ABCB9: variants seen among roughly 807,000 people sequenced by gnomAD.
The protein encoded by ABCB9 is ATP binding cassette subfamily B member 9.
In ABCB9, 36 loss-of-function variants were observed where a neutral mutation model predicts 62.0. The observed-to-expected ratio is 0.58, with a 90% CI of 0.45 to 0.77. The LOEUF (loss-of-function observed/expected upper bound fraction) is 0.77, where lower values mean the gene tolerates loss of function less well. ABCB9 is among the 30% of genes least tolerant of loss of function. The pLI is 0.00. For synonymous variants in ABCB9, 435 were observed against 461.4 expected, an observed-to-expected ratio of 0.94 and a Z score of 0.73; for missense variants, 943 against 1,054.7, an observed-to-expected ratio of 0.89 and a Z score of 1.47.
chr12:122,928,344 C>T (rs1566148578), downstream of ABCB9, among the ~76,000 whole-genome samples: 1 of 151,946 alleles, frequency 6.6e-6, no homozygotes, highest in Non-Finnish European at 1.5e-5. Flanking sequence ...TGGTGGGTGC[C>T]TGTAGTCCCA....
At chr12:122,939,988 G>T in intron 9 of ABCB9, 123 bp downstream of exon 9, 3 of 1,249,596 alleles carry the variant, frequency 2.4e-6, no homozygotes, top group Non-Finnish European at 3.3e-6. Flanking sequence ...CATTGTAATT[G>T]GTGATAATTC....
chr12:122,957,459 T>G (rs2036658946), intron 2 of ABCB9, among the ~76,000 whole-genome samples: 1 of 152,152 alleles, frequency 6.6e-6, no homozygotes, highest in Admixed American at 6.5e-5. Flanking sequence ...GCCACTCGGC[T>G]GGGTAGGGAG....
At chr12:122,972,826 T>C (rs2037294308) in intron 1 of ABCB9, 1 of 152,184 alleles carries the variant, frequency 6.6e-6, no homozygotes, top group South Asian at 2.1e-4. Flanking sequence ...ATGTCAATTT[T>C]TAAAGTATGT....
intron 4 of ABCB9, 96 bp from the exon 5 acceptor site, chr12:122,948,925 G>C: frequency 9.4e-7 from 1 of 1,069,416 alleles, no homozygotes; most frequent in Non-Finnish European, 1.3e-6. Context: ...ACACTGGGAA[G>C]CCGGGCCTCC....
intron 9 of ABCB9, among the ~76,000 whole-genome samples, chr12:122,935,768 A>C (rs2035428035): frequency 6.6e-6 from 1 of 152,226 alleles, no homozygotes; most frequent in Non-Finnish European, 1.5e-5. Context: ...GCTGTGAATG[A>C]GTCTGCTCAT....
At chr12:122,974,210 G>A (rs1278835336) in intron 1 of ABCB9, among the ~76,000 whole-genome samples, 1 of 152,200 alleles carries the variant, frequency 6.6e-6, no homozygotes, top group Non-Finnish European at 1.5e-5. Context: ...GGGCAGTTAG[G>A]CGGGTAATGA....
intron 7 of ABCB9, among the ~76,000 whole-genome samples, chr12:122,943,257 T>G (rs1169233351): frequency 6.6e-6 from 1 of 152,124 alleles, no homozygotes; most frequent in Non-Finnish European, 1.5e-5. Context: ...GCTCCACAAC[T>G]CACTCTGCTG....
At chr12:122,933,503 G>A (rs951943720) in intron 10 of ABCB9, among the ~76,000 whole-genome samples, 2 of 151,644 alleles carry the variant, frequency 1.3e-5, no homozygotes, top group South Asian at 2.1e-4. Context: ...GCCGTGAGCC[G>A]AGATCGCGCC....
rs1249785693 is a variant in ABCB9 at position 122,971,935 on chromosome 12, TA to T, written c.-88+2779del. On this transcript the variant is annotated intron_variant, in intron 1 of 11. Coordinates refer to the ABCB9 transcript ENST00000392439. ...TTTGCTGTGAGCCTAAAACTGATCT[TA>T]AAAAAAAGGAAATCTATTAAAAGTG... Among the ~76,000 whole-genome samples the T allele has an allele frequency of 2.0e-5, 3 of 151,360 alleles. No individual in the cohort carries two copies. In the East Asian group the frequency reaches 5.8e-4, roughly 29 times the overall value.
intron 5 of ABCB9, chr12:122,946,439 G>A (rs969619019): frequency 8.5e-6 from 5 of 587,192 alleles, no homozygotes; most frequent in Non-Finnish European, 1.5e-5. Context: ...GGCTCTTGGG[G>A]CAATGGTTTC....
intron 2 of ABCB9, among the ~76,000 whole-genome samples, chr12:122,957,311 T>C (rs1383018988): frequency 6.6e-6 from 1 of 152,208 alleles, no homozygotes; most frequent in Non-Finnish European, 1.5e-5. Flanking sequence ...CCCAAAGTGC[T>C]GGGATTAGAC....
At chr12:122,961,753 A>G (rs1594073383) in intron 1 of ABCB9, among the ~76,000 whole-genome samples, 1 of 152,176 alleles carries the variant, frequency 6.6e-6, no homozygotes, top group African/African-American at 2.4e-5. Context: ...AGTTTAATAA[A>G]CAGCCGCTGT....
chr12:122,949,048 T>G, intron 4 of ABCB9: 1 of 427,858 alleles, frequency 2.3e-6, no homozygotes, highest in Non-Finnish European at 4.2e-6. Context: ...CATCCCGCTG[T>G]ACAGCGGAGG....
intron 11 of ABCB9, among the ~76,000 whole-genome samples, chr12:122,923,663 G>A (rs2034814111): frequency 6.6e-6 from 1 of 152,112 alleles, no homozygotes; most frequent in Admixed American, 6.6e-5. Context: ...TTAACTCAGG[G>A]CCCCCTGACA....
At position 122,959,756 on chromosome 12, in the gene ABCB9, C is replaced by T; in HGVS notation, c.480G>A (p.Gly160=). The part of the protein sequence containing the change: ...GAATEAEGFP[G]SGRPPPEQAS... ...CCTGCTCGGGCGGTGGCCGGCCGCT[C>T]CCAGGGAAGCCCTCAGCCTCGGTGG... The change falls in exon 2 of 12, where the codon GGG becomes GGA. Residue 160 remains glycine, a synonymous_variant. Coordinates refer to ENST00000280560, the MANE Select transcript of ABCB9 (RefSeq NM_019625.4). The surrounding 1 kb of genome is among the most constrained non-coding windows in gnomAD (Gnocchi z 5.4). 1 of 1,611,848 alleles carries T rather than the reference C, an allele frequency of 6.2e-7. No individual in the cohort carries two copies. The highest frequency in any genetic ancestry group is 1.3e-5 in the African/African-American group (1 of 75,018).
At chr12:122,919,850 A>G (rs912990205), downstream of ABCB9, among the ~76,000 whole-genome samples, 1 of 149,178 alleles carries the variant, frequency 6.7e-6, no homozygotes, top group East Asian at 2.0e-4. Flanking sequence ...CGCTGTTAGG[A>G]CCTCCCCCTG....
At chr12:122,943,836 C>T (rs536495362) in intron 7 of ABCB9, among the ~76,000 whole-genome samples, 34 of 152,108 alleles carry the variant, frequency 2.2e-4, no homozygotes, top group African/African-American at 6.7e-4. Context: ...AGTGCAGTGG[C>T]GTGATCACGG....
At chr12:122,924,636 G>C (rs1164633250), downstream of ABCB9, 6 of 1,461,004 alleles carry the variant, frequency 4.1e-6, no homozygotes, top group Non-Finnish European at 5.4e-6. Context: ...ATGTGGGAAA[G>C]AAACAATGAC....
rs1387253327 is a variant in ABCB9, at chr12:122,949,931, AAG to A, written c.717-15_717-14del. On this transcript the variant is annotated splice_polypyrimidine_tract_variant and intron_variant, in intron 3 of 11. Transcript: ENST00000280560. ...TGCGGCAAATGAGCTAATTGCAGAT[AAG>A]AGATATTATAGCACGATGTCCTTCC... The A allele has an allele frequency of 2.5e-6, 4 of 1,613,740 alleles. No individual in the cohort carries two copies. The African/African-American group carries it at 5.3e-5, about 22-fold the overall frequency.
Sources: allele counts gnomAD v4.1 joint callset (sites outside exome capture counted in the v4.1 genomes callset), GRCh38; gene constraint gnomAD v4.1.1; non-coding constraint Gnocchi (gnomAD v3.1); transcripts MANE v1.5; gene names NCBI Gene and HGNC (gene_info 2026-07-23, HGNC 2026-07-21).